The following CAMK2D variants were observed in gnomAD, a reference collection of about 807,000 sequenced individuals.
CAMK2D encodes calcium/calmodulin dependent protein kinase II delta, also known as calcium/calmodulin-dependent protein kinase type II subunit delta.
A neutral mutation model predicts 84.0 loss-of-function variants in CAMK2D; 37 were observed. The observed-to-expected ratio is 0.44, with a 90% confidence interval of 0.34 to 0.58. The LOEUF is 0.58. CAMK2D is among the 20% of genes least tolerant of loss of function. The pLI, the probability that CAMK2D is intolerant of heterozygous loss-of-function variation, is 0.02. For missense variants in CAMK2D, 448 were observed against 652.5 expected (o/e 0.69, Z 3.41); for synonymous variants, 202 against 212.5 (o/e 0.95, Z 0.43).
rs2097280403 is a variant in CAMK2D, at chr4:113,454,429, G to C, written c.*116C>G. ...CACAACTTCATGCACTCAGAAACATGCATGAAGAGGAGGAGAGGACGGCCC... is the reference window on the plus strand; with the variant it reads ...CACAACTTCATGCACTCAGAAACATCCATGAAGAGGAGGAGAGGACGGCCC... On this transcript the variant is annotated 3_prime_UTR_variant, in exon 21 of 21. Coordinates refer to ENST00000511664, the MANE Select transcript of CAMK2D (RefSeq NM_001321571.2). 2.6e-6 allele frequency: 2 copies of C among 765,954 alleles called. No individual in the cohort carries two copies. Among genetic ancestry groups the C allele is most frequent in the African/African-American group, 1.7e-5 (1 of 58,580 alleles). The allele number at this position is 765,954 out of a possible 1,614,324, so 47.4% of individuals were successfully genotyped here.
chr4:113,524,673 C>A (rs2098403118), intron 8 of CAMK2D, among the ~76,000 whole-genome samples: 1 of 152,164 alleles, frequency 6.6e-6, no homozygotes, highest in Admixed American at 6.6e-5. Context: ...GGGATTGCTG[C>A]ATCCTGTGGC....
chr4:113,646,402 G>T (rs558089612), intron 3 of CAMK2D, among the ~76,000 whole-genome samples: 8 of 152,130 alleles, frequency 5.3e-5, no homozygotes, highest in Non-Finnish European at 8.8e-5. Context: ...AAATCAACAA[G>T]TAAATATACA....
At chr4:113,678,989 C>T (rs2099329549) in intron 2 of CAMK2D, among the ~76,000 whole-genome samples, 1 of 152,144 alleles carries the variant, frequency 6.6e-6, no homozygotes, top group Admixed American at 6.5e-5. Flanking sequence ...AGAATAACCA[C>T]TATTCTGATT....
intron 4 of CAMK2D, among the ~76,000 whole-genome samples, chr4:113,591,070 G>A (rs2098876037): frequency 6.6e-6 from 1 of 152,114 alleles, no homozygotes. Context: ...TAAAGGGAAG[G>A]AAGGTCTTCT....
At chr4:113,628,726 TGGTAAA>T (rs909689641) in intron 3 of CAMK2D, among the ~76,000 whole-genome samples, 60 of 152,092 alleles carry the variant, frequency 3.9e-4, no homozygotes, top group African/African-American at 1.3e-3. Flanking sequence ...GCCCTGTTGA[TGGTAAA>T]GGTAATTTTT....
chr4:113,759,239 T>C, intron 2 of CAMK2D, 81 bp downstream of exon 2: 1 of 788,790 alleles, frequency 1.3e-6, no homozygotes, highest in South Asian at 2.0e-5. Context: ...TATAACTACA[T>C]GATATATTTA....
intron 2 of CAMK2D, among the ~76,000 whole-genome samples, chr4:113,745,709 T>C (rs1244981597): frequency 1.3e-5 from 2 of 152,236 alleles, no homozygotes; most frequent in African/African-American, 4.8e-5. Flanking sequence ...AGCGTTTATT[T>C]TCTTGGAGAT....
intron 16 of CAMK2D, among the ~76,000 whole-genome samples, chr4:113,466,357 T>A (rs2097466901): frequency 6.6e-6 from 1 of 152,110 alleles, no homozygotes; most frequent in South Asian, 2.1e-4. Context: ...ATATTTCTCT[T>A]CATAGTTAAC....
intron 4 of CAMK2D, among the ~76,000 whole-genome samples, chr4:113,596,820 ATTTT>A (rs34155395): frequency 1.4e-5 from 2 of 142,154 alleles, no homozygotes. Flanking sequence ...GGGTCCTAGA[ATTTT>A]TTTTTTTTTT....
intron 3 of CAMK2D, among the ~76,000 whole-genome samples, chr4:113,633,995 G>A (rs1042418460): frequency 2.0e-5 from 3 of 152,150 alleles, no homozygotes; most frequent in South Asian, 2.1e-4. Context: ...AATATTTCTG[G>A]AGAATGTCTT....
At chr4:113,638,335 G>C (rs913253065) in intron 3 of CAMK2D, among the ~76,000 whole-genome samples, 27 of 152,008 alleles carry the variant, frequency 1.8e-4, no homozygotes, top group African/African-American at 5.6e-4. Flanking sequence ...TTTGAGAGTG[G>C]GAACCACAGA....
chr4:113,705,816 G>T lies in CAMK2D; in HGVS notation c.161-44044C>A, dbSNP rs187012890. Among the ~76,000 whole-genome samples the T allele has an allele frequency of 1.9e-4, 29 of 152,210 alleles. No homozygotes were observed. In the East Asian group the frequency reaches 5.4e-3, roughly 28 times the overall value. ...ATAAGCCTCCTCAACATTTTAAAAG[G>T]ACGTAATGTATGCATCAAGAATGCA... On this transcript the variant is annotated intron_variant, in intron 2 of 20. Transcript: ENST00000511664.
intron 2 of CAMK2D, among the ~76,000 whole-genome samples, chr4:113,672,820 T>C (rs2099296566): frequency 6.6e-6 from 1 of 151,782 alleles, no homozygotes; most frequent in Non-Finnish European, 1.5e-5. Flanking sequence ...GCCACCTAAA[T>C]GAAAAAAAAT....
At chr4:113,727,097 A>C (rs927195432) in intron 2 of CAMK2D, among the ~76,000 whole-genome samples, 1 of 152,202 alleles carries the variant, frequency 6.6e-6, no homozygotes, top group African/African-American at 2.4e-5. Flanking sequence ...GCTATGAAAT[A>C]AATGAGAGAT....
At position 113,617,922 on chromosome 4, in the gene CAMK2D, T is replaced by TACACACA. The variant is rs2099028433; in HGVS notation, c.221-8717_221-8716insTGTGTGT. Among the ~76,000 whole-genome samples the TACACACA allele has an allele frequency of 1.7e-4, 12 of 70,396 alleles. No homozygotes were observed. In the South Asian group the frequency reaches 1.9e-3, roughly 11 times the overall value. The allele number at this position is 70,396 out of a possible 152,430, so 46.2% of individuals were successfully genotyped here. ...TTTTGCTTGGGTCATACACACACAC[T>TACACACA]CACACAACACACAGACACACACACA... On this transcript the variant is annotated intron_variant, in intron 3 of 20. Transcript: ENST00000511664.
intron 8 of CAMK2D, among the ~76,000 whole-genome samples, chr4:113,525,009 C>A (rs999053155): frequency 2.0e-5 from 3 of 152,268 alleles, no homozygotes; most frequent in Admixed American, 2.0e-4. Flanking sequence ...GTAATAGCAA[C>A]AGAATATCCA....
intron 3 of CAMK2D, among the ~76,000 whole-genome samples, chr4:113,634,479 A>C (rs2099102299): frequency 6.6e-6 from 1 of 152,174 alleles, no homozygotes; most frequent in African/African-American, 2.4e-5. Context: ...AAAAATCCAG[A>C]ATTTAATGAG....
At chr4:113,658,790 TTA>T (rs2099214156) in intron 3 of CAMK2D, among the ~76,000 whole-genome samples, 1 of 152,176 alleles carries the variant, frequency 6.6e-6, no homozygotes, top group African/African-American at 2.4e-5. Flanking sequence ...CATCTATGAC[TTA>T]TACACTGAGA....
chr4:113,692,915 T>C (rs576386595), intron 2 of CAMK2D, among the ~76,000 whole-genome samples: 2 of 152,166 alleles, frequency 1.3e-5, no homozygotes, highest in Non-Finnish European at 2.9e-5. Flanking sequence ...CAAGTTCTAT[T>C]AATATAATTT....
Sources: allele counts gnomAD v4.1 joint callset (sites outside exome capture counted in the v4.1 genomes callset), GRCh38; gene constraint gnomAD v4.1.1; transcripts MANE v1.5; gene names NCBI Gene and HGNC (gene_info 2026-07-23, HGNC 2026-07-21).